HSD17B14: variants seen among roughly 807,000 people sequenced by gnomAD.
The protein encoded by HSD17B14 is hydroxysteroid 17-beta dehydrogenase 14.
HSD17B14 carries 32 observed loss-of-function variants against 32.2 expected under a neutral mutation model. The ratio of observed to expected loss-of-function variants is 0.99; its 90% CI spans 0.75 to 1.33. The LOEUF (loss-of-function observed/expected upper bound fraction) is 1.33. Ranked by LOEUF, HSD17B14 falls within the 40% of genes most tolerant of loss-of-function variation. The probability of loss-of-function intolerance (pLI) is 0.00; values close to 1 mark genes in which losing one functional copy is unlikely to be tolerated. For missense variants in HSD17B14, 370 were observed against 366.5 expected (o/e 1.01, Z -0.08); for synonymous variants, 140 against 155.4 (o/e 0.90, Z 0.74).
chr19:48,814,917 T>C (rs2035025764), intron 6 of HSD17B14, 120 bp downstream of exon 6: 2 of 669,942 alleles, frequency 3.0e-6, no homozygotes, highest in Non-Finnish European at 5.4e-6. Flanking sequence ...ATCTGGGAGT[T>C]AGGTGTGAGA....
At chr19:48,823,425 A>G (rs1431696246) in intron 5 of HSD17B14, among the ~76,000 whole-genome samples, 1 of 151,888 alleles carries the variant, frequency 6.6e-6, no homozygotes, top group Non-Finnish European at 1.5e-5. Context: ...AATAATAATA[A>G]TAATGCTTTA....
intron 5 of HSD17B14, among the ~76,000 whole-genome samples, chr19:48,829,432 A>C (rs906887141): frequency 2.0e-5 from 3 of 151,138 alleles, no homozygotes; most frequent in African/African-American, 4.9e-5. Flanking sequence ...GCTCACTGCA[A>C]CCTCCACCTC....
intron 5 of HSD17B14, among the ~76,000 whole-genome samples, chr19:48,816,824 T>TTTCTTTCTTTCTTTCTTTC (rs1555775916): frequency 9.8e-5 from 5 of 50,824 alleles, no homozygotes; most frequent in African/African-American, 4.8e-4. Flanking sequence ...TCTTTCTTTC[T>TTTCTTTCTTTCTTTCTTTC]TTTCTTTCTC....
intron 6 of HSD17B14, 37 bp from the exon 7 acceptor site, chr19:48,813,767 C>T (rs370106155): frequency 1.6e-5 from 25 of 1,610,364 alleles, no homozygotes; most frequent in African/African-American, 1.5e-4. Flanking sequence ...GTTCAGTCCC[C>T]GGGACATGGG....
intron 5 of HSD17B14, among the ~76,000 whole-genome samples, chr19:48,825,834 A>G (rs776108455): frequency 2.0e-5 from 3 of 151,628 alleles, no homozygotes; most frequent in Non-Finnish European, 4.4e-5. Flanking sequence ...TTATTTATTT[A>G]TTTTGAGATG....
intron 5 of HSD17B14, among the ~76,000 whole-genome samples, chr19:48,822,006 G>A (rs1381301003): frequency 1.4e-5 from 2 of 137,938 alleles, no homozygotes; most frequent in Non-Finnish European, 3.0e-5. Context: ...TGATGATGGT[G>A]ATACTGGTGA....
intron 3 of HSD17B14, 65 bp from the exon 4 acceptor site, chr19:48,832,797 AGGCTGGAGTGCATT>A (rs1217939533): frequency 7.3e-7 from 1 of 1,362,136 alleles, no homozygotes; most frequent in Non-Finnish European, 1.0e-6. Flanking sequence ...CTTGTCACTC[AGGCTGGAGTGCATT>A]GGCACGATCT....
chr19:48,814,708 G>A (rs2035020875), intron 6 of HSD17B14, among the ~76,000 whole-genome samples: 2 of 151,686 alleles, frequency 1.3e-5, no homozygotes, highest in Admixed American at 6.6e-5. Context: ...GCTGGGTGCG[G>A]TGGCATGCGC....
chr19:48,814,580 G>A, intron 6 of HSD17B14, among the ~76,000 whole-genome samples: 1 of 151,992 alleles, frequency 6.6e-6, no homozygotes. Context: ...GGTGGCTCAT[G>A]CCTGTAATCC....
chr19:48,826,542 T>TAC lies in HSD17B14; in HGVS notation c.369+5124_369+5125dup, dbSNP rs374655614. Among the ~76,000 whole-genome samples the TAC allele has an allele frequency of 2.2e-4, 18 of 80,108 alleles. 1 individual carries two copies. Among genetic ancestry groups the TAC allele is most frequent in the East Asian group, 1.9e-3 (4 of 2,156 alleles). The allele number at this position is 80,108 out of a possible 152,430, so 52.6% of individuals were successfully genotyped here. A position where few individuals can be genotyped will look rare whatever the true frequency, so the allele number is the denominator to read the frequency against. ...GAAAAGAAGAAAATATATATATATA[T>TAC]ACACACACACACACACACACACACA... On this transcript the variant is annotated intron_variant, in intron 5 of 8. Coordinates refer to ENST00000263278, the MANE Select transcript of HSD17B14 (RefSeq NM_016246.3).
chr19:48,828,551 G>C (rs961603076), intron 5 of HSD17B14, among the ~76,000 whole-genome samples: 1 of 152,178 alleles, frequency 6.6e-6, no homozygotes, highest in South Asian at 2.1e-4. Flanking sequence ...CCAGGGGTTC[G>C]AGGCTGCTGT....
At chr19:48,820,111 C>A (rs2122753717) in intron 5 of HSD17B14, among the ~76,000 whole-genome samples, 1 of 152,218 alleles carries the variant, frequency 6.6e-6, no homozygotes, top group South Asian at 2.1e-4. Flanking sequence ...GAACTATGAT[C>A]ACACCATGGC....
At chr19:48,813,856 C>CAA in intron 6 of HSD17B14, 126 bp from the exon 7 acceptor site, 1 of 991,552 alleles carries the variant, frequency 1.0e-6, no homozygotes, top group Non-Finnish European at 1.6e-6. Flanking sequence ...AGGCTGCCTT[C>CAA]AGAGGCACCA....
At chr19:48,814,074 A>G (rs1290249445) in intron 6 of HSD17B14, among the ~76,000 whole-genome samples, 1 of 152,070 alleles carries the variant, frequency 6.6e-6, no homozygotes, top group Non-Finnish European at 1.5e-5. Context: ...GCACGCCTGT[A>G]ATCCCAGCTA....
chr19:48,824,673 G>A (rs1157742165), intron 5 of HSD17B14, among the ~76,000 whole-genome samples: 7 of 152,006 alleles, frequency 4.6e-5, no homozygotes, highest in East Asian at 1.9e-4. Context: ...GGCTGAGGCA[G>A]GAGAATAGCT....
chr19:48,834,483 G>C, intron 2 of HSD17B14, 125 bp from the exon 3 acceptor site: 1 of 489,218 alleles, frequency 2.0e-6, no homozygotes, highest in Non-Finnish European at 3.4e-6. Flanking sequence ...TGAGGGAGGA[G>C]GGGCTGAGGT....
chr19:48,822,605 G>A (rs2035178315), intron 5 of HSD17B14, among the ~76,000 whole-genome samples: 1 of 151,800 alleles, frequency 6.6e-6, no homozygotes, highest in East Asian at 1.9e-4. Flanking sequence ...GGATGGTGAT[G>A]GTGATGATTG....
intron 5 of HSD17B14, among the ~76,000 whole-genome samples, chr19:48,823,886 C>A (rs2035199435): frequency 6.6e-6 from 1 of 151,212 alleles, no homozygotes; most frequent in Non-Finnish European, 1.5e-5. Flanking sequence ...GGCAATCCGC[C>A]CGCCTAGGCC....
At chr19:48,818,082 C>T (rs1028249568) in intron 5 of HSD17B14, among the ~76,000 whole-genome samples, 5 of 151,990 alleles carry the variant, frequency 3.3e-5, no homozygotes, top group Non-Finnish European at 5.9e-5. Flanking sequence ...GAGGCTGAGG[C>T]GGGCAGTCAC....
Sources: allele counts gnomAD v4.1 joint callset (sites outside exome capture counted in the v4.1 genomes callset), GRCh38; gene constraint gnomAD v4.1.1; transcripts MANE v1.5; gene names NCBI Gene and HGNC (gene_info 2026-07-23, HGNC 2026-07-21).